Variants in DHX32 observed in about 807,000 individuals in gnomAD.
DHX32 encodes DEAH-box helicase 32 (putative), also known as putative pre-mRNA-splicing factor ATP-dependent RNA helicase DHX32.
DHX32 carries 51 observed loss-of-function variants against 70.0 expected under a neutral mutation model. That is an observed-to-expected ratio of 0.73 (90% CI 0.58 to 0.92). The LOEUF is 0.92. DHX32 is among the 40% of genes least tolerant of loss of function. The pLI is 0.00. For missense variants in DHX32, 762 were observed against 891.8 expected, an observed-to-expected ratio of 0.85 and a Z score of 1.85; for synonymous variants, 310 against 315.3, an observed-to-expected ratio of 0.98 and a Z score of 0.18.
rs1386599434 is a variant in DHX32 at position 125,880,430 on chromosome 10, TTTTG to T, written c.282+109_282+112del. The T allele has an allele frequency of 1.3e-5, 14 of 1,104,772 alleles. No individual in the cohort carries two copies. In the African/African-American group the frequency reaches 2.2e-4, roughly 18 times the overall value. 68.4% of individuals were successfully genotyped at this position (1,104,772 alleles called of 1,614,324 possible). A position where few individuals can be genotyped will look rare whatever the true frequency, so the allele number is the denominator to read the frequency against. ...ATTTAATTATTTTATCTGAATAATGTTTTGTTTTTTGTTTTAGACACTATTATTA... is the reference window on the plus strand; with the variant it reads ...ATTTAATTATTTTATCTGAATAATGTTTTTTTGTTTTAGACACTATTATTA... On this transcript the variant is annotated intron_variant, in intron 1 of 10. Transcript: ENST00000284690.
rs373997599 is a variant in DHX32, at chr10:125,854,068, A to T, written c.985T>A (p.Cys329Ser). ...ACCACTCTTCTTTGATAAACTTGGCATCTTTTTTCTGTTTCATCGAGTGGC... is the reference window on the plus strand; with the variant it reads ...ACCACTCTTCTTTGATAAACTTGGCTTCTTTTTTCTGTTTCATCGAGTGGC... ...FKPLDETEKR[C>S]QVYQRRVVLT... The change falls in exon 4 of 11, where the codon TGC (cysteine) becomes AGC (serine). Residue 329 changes from cysteine to serine, a missense_variant. By Grantham distance (112) the Cys-to-Ser change is moderately radical. This residue lies in a region of DHX32 where 394 missense variants were observed against 473.1 expected (regional missense o/e 0.83). Transcript: ENST00000284690. The T allele has an allele frequency of 6.2e-7, 1 of 1,614,130 alleles. No individual in the cohort carries two copies. The highest frequency in any genetic ancestry group is 2.2e-5 in the East Asian group (1 of 44,862).
At chr10:125,839,847 C>T (rs1387993570) in intron 8 of DHX32, among the ~76,000 whole-genome samples, 1 of 152,122 alleles carries the variant, frequency 6.6e-6, no homozygotes, top group East Asian at 1.9e-4. Flanking sequence ...ACAGAAGACC[C>T]TCATTTACCC....
chr10:125,871,857 CTTTTCT>C (rs1944257444), intron 1 of DHX32, among the ~76,000 whole-genome samples: 1 of 139,512 alleles, frequency 7.2e-6, no homozygotes, highest in African/African-American at 2.7e-5. Flanking sequence ...AGTTCTGCTT[CTTTTCT>C]TTTTTTTTTT....
rs17153678 is a variant in DHX32, at chr10:125,867,034, G to A, written c.432C>T (p.Tyr144=). The A allele has an allele frequency of 6.7e-4, 1,086 of 1,614,198 alleles. 15 individuals carry two copies. The South Asian group carries it at 0.01, about 15-fold the overall frequency. The change falls in exon 2 of 11, where the codon TAC becomes TAT. Residue 144 remains tyrosine, a synonymous_variant. Coordinates refer to ENST00000284690, the MANE Select transcript of DHX32 (RefSeq NM_018180.3). ...MDVNIGHEVG[Y]VIPFENCCTN... is the part of the protein sequence containing the mutation. ...TACAGCAGTTCTCGAAAGGGATCAC[G>A]TAGCCAACCTCATGACCAATGTTAA...
In DHX32 at chr10:125,838,409, A is replaced by T. The variant is rs1854769735; in HGVS notation, c.1882-22T>A. ...CAATCTGAAAGGCAGAATTTTAAAG[A>T]AAAAAGATTTTGTATTAATATGGAG... On this transcript the variant is annotated intron_variant, in intron 9 of 10. Transcript: ENST00000284690. The T allele has an allele frequency of 7.8e-6, 12 of 1,545,568 alleles. No homozygotes were observed. In the Admixed American group the frequency reaches 1.8e-4, roughly 24 times the overall value.
chr10:125,864,211 C>T (rs766817529), intron 2 of DHX32, among the ~76,000 whole-genome samples: 4 of 152,190 alleles, frequency 2.6e-5, no homozygotes, highest in South Asian at 2.1e-4. Flanking sequence ...TCTGACTCTG[C>T]GCTGGTTCTG....
At chr10:125,846,930 C>T (rs989735884) in intron 6 of DHX32, among the ~76,000 whole-genome samples, 4 of 152,142 alleles carry the variant, frequency 2.6e-5, no homozygotes, top group African/African-American at 9.7e-5. Flanking sequence ...GTACCCATCG[C>T]GGCCTGGGGG....
In DHX32 at chr10:125,859,914, C is replaced by T; in HGVS notation, c.538G>A (p.Gly180Arg). Residue 180 changes from glycine to arginine, a missense_variant, in exon 3 of 11, where the codon GGG becomes AGG. Gly to Arg is a moderately radical substitution (Grantham distance 125). This residue lies in a region of DHX32 where 394 missense variants were observed against 473.1 expected (regional missense o/e 0.83). Coordinates refer to ENST00000284690, the MANE Select transcript of DHX32 (RefSeq NM_018180.3). ...TGAATATCATCTAAGATGATGACCC[C>T]ATAGCTACCCAAAAAAGGATTGGAC... is the stretch of plus-strand genomic sequence containing the variant. ...MMSNPFLGSY[G>R]VIILDDIHER... The T allele has an allele frequency of 6.2e-7, 1 of 1,612,764 alleles. No homozygotes were observed. The highest frequency in any genetic ancestry group is 2.2e-5 in the East Asian group (1 of 44,852).
intron 4 of DHX32, chr10:125,853,214 T>G (rs1216141937): frequency 6.2e-7 from 1 of 1,611,854 alleles, no homozygotes; most frequent in East Asian, 2.2e-5. Context: ...CCAGGGAACC[T>G]TCATGACTGT....
At chr10:125,865,121 T>G (rs1051474223) in intron 2 of DHX32, among the ~76,000 whole-genome samples, 1 of 152,074 alleles carries the variant, frequency 6.6e-6, no homozygotes, top group African/African-American at 2.4e-5. Context: ...GTCAGAGCCA[T>G]CATTTAATTA....
intron 2 of DHX32, among the ~76,000 whole-genome samples, chr10:125,860,901 C>T (rs1253407788): frequency 2.0e-5 from 3 of 151,638 alleles, no homozygotes; most frequent in Middle Eastern, 3.4e-3. Context: ...TACAGGCGCC[C>T]GCCACCACGC....
intron 1 of DHX32, among the ~76,000 whole-genome samples, chr10:125,891,467 C>A (rs1310032850): frequency 6.6e-6 from 1 of 152,306 alleles, no homozygotes; most frequent in Non-Finnish European, 1.5e-5. Context: ...GCCACAGGCA[C>A]AGTGGCTCAT....
At chr10:125,844,942 A>T (rs1943992320) in intron 6 of DHX32, among the ~76,000 whole-genome samples, 1 of 152,224 alleles carries the variant, frequency 6.6e-6, no homozygotes, top group Admixed American at 6.5e-5. Context: ...AAGGGCTATC[A>T]TTACAGTATT....
At chr10:125,863,524 T>C (rs1372168623) in intron 2 of DHX32, among the ~76,000 whole-genome samples, 1 of 151,842 alleles carries the variant, frequency 6.6e-6, no homozygotes, top group Admixed American at 6.6e-5. Context: ...CTCGGCTCAC[T>C]GCAAGCTCTG....
At chr10:125,893,385 G>C (rs73381296) in intron 1 of DHX32, among the ~76,000 whole-genome samples, 1 of 151,618 alleles carries the variant, frequency 6.6e-6, no homozygotes, top group African/African-American at 2.4e-5. Context: ...CTGGGACTAC[G>C]GGCGCCCGCC....
upstream of DHX32, among the ~76,000 whole-genome samples, chr10:125,884,277 A>T (rs2134076638): frequency 6.6e-6 from 1 of 152,342 alleles, no homozygotes; most frequent in Non-Finnish European, 1.5e-5. Context: ...CCTAGAGGTA[A>T]TTAAATATGT....
At chr10:125,849,402 T>C (rs573465475) in intron 6 of DHX32, among the ~76,000 whole-genome samples, 1 of 152,356 alleles carries the variant, frequency 6.6e-6, no homozygotes, top group South Asian at 2.1e-4. Flanking sequence ...TCTGTAACAT[T>C]ATTTACTTTA....
At chr10:125,846,289 G>T (rs1286835165) in intron 6 of DHX32, among the ~76,000 whole-genome samples, 1 of 152,174 alleles carries the variant, frequency 6.6e-6, no homozygotes, top group Non-Finnish European at 1.5e-5. Flanking sequence ...TTAAACAAGA[G>T]TTGGCACTGT....
intron 3 of DHX32, among the ~76,000 whole-genome samples, chr10:125,857,592 C>T (rs554257021): frequency 6.6e-6 from 1 of 152,326 alleles, no homozygotes; most frequent in East Asian, 1.9e-4. Context: ...CATACCTCTC[C>T]AAGTCCTGTG....
Sources: gnomAD v4.1 joint callset for allele counts (sites outside exome capture counted in the v4.1 genomes callset) on GRCh38, gnomAD v4.1.1 for gene constraint, gnomAD v4.1.1 regional missense constraint, MANE v1.5 for transcripts, NCBI Gene and HGNC (gene_info 2026-07-23, HGNC 2026-07-21) for gene names.